LRBA: variants seen among roughly 807,000 people sequenced by gnomAD.
LRBA encodes lipopolysaccharide-responsive and beige-like anchor protein.
LRBA carries 176 observed loss-of-function variants against 330.0 expected under a neutral mutation model. The ratio of observed to expected loss-of-function variants is 0.53; its 90% CI spans 0.47 to 0.60. LRBA has a LOEUF of 0.60. Among genes scored for constraint, LRBA ranks in the 20% least tolerant of loss-of-function variants. LRBA has a pLI of 0.00. For missense variants in LRBA, 3,259 were observed against 3,444.8 expected (o/e 0.95, Z 1.35); for synonymous variants, 1,230 against 1,193.0 (o/e 1.03, Z -0.64).
At chr4:150,392,434 A>G (rs986678577) in intron 47 of LRBA, among the ~76,000 whole-genome samples, 4 of 152,170 alleles carry the variant, frequency 2.6e-5, no homozygotes, top group African/African-American at 9.6e-5. Context: ...TTATAAGAGC[A>G]CTAATTCCAT....
chr4:151,003,320 C>A (rs1743611915), intron 2 of LRBA, among the ~76,000 whole-genome samples: 1 of 150,566 alleles, frequency 6.6e-6, no homozygotes, highest in African/African-American at 2.5e-5. Flanking sequence ...TCGCTTGAAC[C>A]TGGGAGGCGA....
intron 47 of LRBA, among the ~76,000 whole-genome samples, chr4:150,406,846 T>C (rs1023144800): frequency 3.9e-5 from 6 of 152,150 alleles, no homozygotes; most frequent in South Asian, 4.1e-4. Flanking sequence ...AGTGGCATAA[T>C]TGCAGCTCAC....
chr4:150,699,354 A>C (rs750881023), intron 36 of LRBA, among the ~76,000 whole-genome samples: 3 of 152,146 alleles, frequency 2.0e-5, no homozygotes, highest in Non-Finnish European at 4.4e-5. Flanking sequence ...ATGCCCTTCT[A>C]TCATTGCAAG....
At chr4:150,464,559 A>T (rs886656617) in intron 44 of LRBA, among the ~76,000 whole-genome samples, 1 of 151,772 alleles carries the variant, frequency 6.6e-6, no homozygotes, top group Non-Finnish European at 1.5e-5. Context: ...TTTCTTTTCA[A>T]TTTTTTTTAA....
At chr4:150,453,233 G>C (rs556348671) in intron 44 of LRBA, among the ~76,000 whole-genome samples, 3 of 152,082 alleles carry the variant, frequency 2.0e-5, no homozygotes, top group Admixed American at 6.5e-5. Flanking sequence ...TTTTTAAAAA[G>C]AAAAATAAAG....
chr4:150,360,298 T>C (rs1024375194), intron 47 of LRBA, among the ~76,000 whole-genome samples: 18 of 150,578 alleles, frequency 1.2e-4, no homozygotes, highest in South Asian at 2.1e-4. Context: ...CAGCCTATAG[T>C]AGCCACATTT....
intron 37 of LRBA, among the ~76,000 whole-genome samples, chr4:150,615,102 G>A (rs192334072): frequency 3.1e-4 from 47 of 152,284 alleles, no homozygotes; most frequent in South Asian, 6.2e-4. Flanking sequence ...AAGGATTTCC[G>A]GCAGGGAAAA....
chr4:150,844,317 G>A, intron 27 of LRBA, 110 bp from the exon 28 acceptor site: 3 of 601,522 alleles, frequency 5.0e-6, no homozygotes, highest in Non-Finnish European at 8.0e-6. Context: ...CAAAGCTATA[G>A]CATTCCTTTC....
chr4:150,527,910 G>A (rs1341272846), intron 40 of LRBA, among the ~76,000 whole-genome samples: 1 of 152,174 alleles, frequency 6.6e-6, no homozygotes, highest in Non-Finnish European at 1.5e-5. Flanking sequence ...TGGTTCACCT[G>A]CAATTCCTGT....
At chr4:150,299,914 G>C (rs1729442932) in intron 53 of LRBA, among the ~76,000 whole-genome samples, 1 of 151,930 alleles carries the variant, frequency 6.6e-6, no homozygotes, top group Admixed American at 6.6e-5. Flanking sequence ...CATTTACATT[G>C]TATCTAAGAG....
intron 40 of LRBA, among the ~76,000 whole-genome samples, chr4:150,572,266 C>T (rs769827141): frequency 6.6e-6 from 1 of 152,050 alleles, no homozygotes; most frequent in African/African-American, 2.4e-5. Context: ...ACAGCAACTG[C>T]TTAGTGCCAT....
At chr4:150,433,668 A>C (rs1447490281) in intron 46 of LRBA, among the ~76,000 whole-genome samples, 1 of 152,124 alleles carries the variant, frequency 6.6e-6, no homozygotes, top group Non-Finnish European at 1.5e-5. Context: ...GCTTATCAAT[A>C]TTTTCATTTC....
chr4:150,622,127 G>A (rs2126632429), intron 37 of LRBA, among the ~76,000 whole-genome samples: 1 of 152,320 alleles, frequency 6.6e-6, no homozygotes, highest in African/African-American at 2.4e-5. Flanking sequence ...AGGAAGGGAG[G>A]CAACATGTTT....
intron 37 of LRBA, among the ~76,000 whole-genome samples, chr4:150,667,789 G>A (rs1781698687): frequency 6.6e-6 from 1 of 152,136 alleles, no homozygotes; most frequent in Non-Finnish European, 1.5e-5. Flanking sequence ...CATGCTGACT[G>A]GCACCAGATC....
intron 37 of LRBA, among the ~76,000 whole-genome samples, chr4:150,625,817 C>A (rs1776798717): frequency 6.6e-6 from 1 of 151,790 alleles, no homozygotes; most frequent in Non-Finnish European, 1.5e-5. Context: ...TAGAGTGATT[C>A]TCCTGTCTCA....
intron 36 of LRBA, among the ~76,000 whole-genome samples, chr4:150,693,518 C>T (rs1430117656): frequency 1.4e-5 from 2 of 138,188 alleles, no homozygotes; most frequent in Non-Finnish European, 3.1e-5. Flanking sequence ...GAGCCGAGAT[C>T]CCGCCACTGC....
chr4:150,293,073 A>G (rs999090542), intron 53 of LRBA, among the ~76,000 whole-genome samples: 11 of 152,136 alleles, frequency 7.2e-5, no homozygotes, highest in Admixed American at 7.2e-4. Context: ...TACATAATGA[A>G]CTTATTAGGC....
intron 37 of LRBA, among the ~76,000 whole-genome samples, chr4:150,662,871 C>G (rs1581973474): frequency 6.6e-6 from 1 of 152,060 alleles, no homozygotes; most frequent in Non-Finnish European, 1.5e-5. Context: ...GCAAGAGAAT[C>G]ATTTGACCCC....
intron 30 of LRBA, among the ~76,000 whole-genome samples, chr4:150,824,434 G>C (rs1745931456): frequency 6.6e-6 from 1 of 151,896 alleles, no homozygotes; most frequent in Non-Finnish European, 1.5e-5. Context: ...CTTTACCTAG[G>C]ACCTCCAGTA....
Sources: gnomAD v4.1 joint callset for allele counts (sites outside exome capture counted in the v4.1 genomes callset) on GRCh38, gnomAD v4.1.1 for gene constraint, MANE v1.5 for transcripts, NCBI Gene and HGNC (gene_info 2026-07-23, HGNC 2026-07-21) for gene names.